C4orf51: variants seen among roughly 807,000 people sequenced by gnomAD.
C4orf51 encodes uncharacterized protein C4orf51.
In C4orf51, 25 loss-of-function variants were observed where a neutral mutation model predicts 25.2. The observed-to-expected ratio is 0.99, with a 90% CI of 0.72 to 1.39. The LOEUF (loss-of-function observed/expected upper bound fraction) is 1.39, where lower values mean the gene tolerates loss of function less well. Ranked by LOEUF, C4orf51 falls within the 40% of genes most tolerant of loss-of-function variation. The pLI is 0.00. For synonymous variants in C4orf51, 100 were observed against 84.5 expected (o/e 1.18, Z -1.01); for missense variants, 252 against 239.6 (o/e 1.05, Z -0.34).
chr4:145,725,390 G>A (rs1731998756), intron 2 of C4orf51, among the ~76,000 whole-genome samples: 1 of 152,020 alleles, frequency 6.6e-6, no homozygotes. Context: ...TTTCTTTAAA[G>A]GTTAAACAAA....
chr4:145,696,463 A>C, intron 1 of C4orf51, 96 bp from the exon 2 acceptor site: 1 of 1,049,454 alleles, frequency 9.5e-7, no homozygotes, highest in African/African-American at 1.6e-5. Context: ...GAAAGTTTTA[A>C]AAAAAGATGA....
At chr4:145,760,021 G>A (rs1306819290) in intron 1 of C4orf51, 3 of 152,204 alleles carry the variant, frequency 2.0e-5, no homozygotes, top group Non-Finnish European at 2.9e-5. Flanking sequence ...GCAGTGCTGC[G>A]AGATATTTCT....
intron 1 of C4orf51, among the ~76,000 whole-genome samples, chr4:145,768,097 C>A (rs1398056879): frequency 2.6e-5 from 4 of 152,114 alleles, no homozygotes; most frequent in Non-Finnish European, 5.9e-5. Flanking sequence ...AGTCTACTTG[C>A]GTGAGGTTCT....
rs1025013195 is a variant in C4orf51, at chr4:145,759,897, CATATAT to C, written n.167-11083_167-11078del. Reference sequence around the variant, plus strand: ...TGGTAACCACTGAATTAATACATCTCATATATATATATAATCTGCCCTTAAAAAATG... The same window carrying C: ...TGGTAACCACTGAATTAATACATCTCATATATAATCTGCCCTTAAAAAATG... On this transcript the variant is annotated intron_variant and non_coding_transcript_variant, in intron 1 of 1. Transcript: ENST00000510096. 3 of 151,716 alleles carry C rather than the reference CATATAT, an allele frequency of 2.0e-5. No homozygotes were observed. The South Asian group carries it at 6.2e-4, about 32-fold the overall frequency. The allele number at this position is 151,716 out of a possible 1,614,324, so 9.4% of individuals were successfully genotyped here.
intron 3 of C4orf51, 130 bp from the exon 4 acceptor site, chr4:145,729,039 G>T: frequency 1.5e-6 from 1 of 665,006 alleles, no homozygotes; most frequent in Non-Finnish European, 2.7e-6. Context: ...CACAGTGGTG[G>T]CTTTTGACAG....
intron 1 of C4orf51, among the ~76,000 whole-genome samples, chr4:145,767,698 C>T (rs956194481): frequency 2.6e-5 from 4 of 152,152 alleles, no homozygotes. Context: ...AGTAAGAAGA[C>T]TGTAAAGCAA....
downstream of C4orf51, chr4:145,759,065 C>G (rs927545665): frequency 2.0e-5 from 3 of 152,168 alleles, no homozygotes; most frequent in Non-Finnish European, 4.4e-5. Context: ...AACCCCAACT[C>G]TTAGGATAAC....
downstream of C4orf51, among the ~76,000 whole-genome samples, chr4:145,775,140 C>T (rs1015152962): frequency 6.6e-6 from 1 of 152,164 alleles, no homozygotes; most frequent in Non-Finnish European, 1.5e-5. Flanking sequence ...GTATGGCACT[C>T]CAAGCAAGAG....
intron 1 of C4orf51, among the ~76,000 whole-genome samples, chr4:145,694,402 C>T (rs1343384780): frequency 2.1e-5 from 3 of 139,994 alleles, no homozygotes; most frequent in African/African-American, 7.9e-5. Flanking sequence ...CGGCCAGCCG[C>T]CCCGTCTGGG....
chr4:145,740,637 A>G (rs1185365550), intron 1 of C4orf51, among the ~76,000 whole-genome samples: 1 of 152,228 alleles, frequency 6.6e-6, no homozygotes, highest in African/African-American at 2.4e-5. Context: ...ACAAGTATCT[A>G]GCAGATGTCA....
chr4:145,693,968 A>G (rs1324851872), intron 1 of C4orf51, among the ~76,000 whole-genome samples: 196 of 95,722 alleles, frequency 2.0e-3, no homozygotes, highest in African/African-American at 7.9e-3. Context: ...CCGGGCGGAG[A>G]GGCTCCTCAC....
intron 2 of C4orf51, among the ~76,000 whole-genome samples, chr4:145,709,460 T>G (rs1294223310): frequency 6.6e-6 from 1 of 152,184 alleles, no homozygotes; most frequent in African/African-American, 2.4e-5. Context: ...AAAACAAGTA[T>G]AAATCTCAGG....
At chr4:145,727,989 TA>T (rs1732189649) in intron 3 of C4orf51, among the ~76,000 whole-genome samples, 1 of 133,432 alleles carries the variant, frequency 7.5e-6, no homozygotes, top group African/African-American at 2.8e-5. Context: ...ACATTATATA[TA>T]ATATATTATA....
intron 2 of C4orf51, among the ~76,000 whole-genome samples, chr4:145,718,261 G>A (rs568886419): frequency 4.6e-5 from 7 of 152,248 alleles, no homozygotes; most frequent in Non-Finnish European, 1.0e-4. Flanking sequence ...AAACGTGTGA[G>A]ATATCCTTGG....
At chr4:145,759,150 T>C (rs754678025), downstream of C4orf51, 1 of 152,174 alleles carries the variant, frequency 6.6e-6, no homozygotes, top group African/African-American at 2.4e-5. Flanking sequence ...AAATAATATA[T>C]AAACTTTTAT....
Position 145,761,729 on chromosome 4 carries a change from A to T in C4orf51, n.167-9259A>T. 1 of 500,550 alleles carries T rather than the reference A, an allele frequency of 2.0e-6. No homozygotes were observed. The highest frequency in any genetic ancestry group is 3.2e-6 in the Non-Finnish European group (1 of 312,466). The allele number at this position is 500,550 out of a possible 1,614,324, so 31.0% of individuals were successfully genotyped here. A position where few individuals can be genotyped will look rare whatever the true frequency, so the allele number is the denominator to read the frequency against. On this transcript the variant is annotated intron_variant and non_coding_transcript_variant, in intron 1 of 1. Transcript: ENST00000510096. This position sits in a 1 kb window ranked among gnomAD's most constrained non-coding sequence, Gnocchi z 6.8. ...AGGCCTGGCCTGCCCAGCCCAGCCC[A>T]GCCCTGCCGCCTCTCAGGGGTGGAA...
At chr4:145,690,264 G>T (rs1183152380) in intron 1 of C4orf51, among the ~76,000 whole-genome samples, 1 of 152,058 alleles carries the variant, frequency 6.6e-6, no homozygotes. Flanking sequence ...CCAGCACTTT[G>T]CAAGGCTAAG....
At chr4:145,684,331 A>T (rs1001612052) in intron 1 of C4orf51, among the ~76,000 whole-genome samples, 4 of 152,046 alleles carry the variant, frequency 2.6e-5, no homozygotes, top group Non-Finnish European at 5.9e-5. Context: ...AAATACAAAA[A>T]ATTAGCCAGG....
the C4orf51 span, among the ~76,000 whole-genome samples, chr4:145,788,503 A>G: frequency 2.6e-5 from 4 of 152,350 alleles, no homozygotes; most frequent in Non-Finnish European, 5.9e-5. Flanking sequence ...TCCATGTATG[A>G]AAAGTTGGAT....
Sources: gnomAD v4.1 joint callset for allele counts (sites outside exome capture counted in the v4.1 genomes callset) on GRCh38, gnomAD v4.1.1 for gene constraint, Gnocchi (gnomAD v3.1) non-coding constraint, MANE v1.5 for transcripts, NCBI Gene and HGNC (gene_info 2026-07-23, HGNC 2026-07-21) for gene names.